TENM2: variants seen among roughly 807,000 people sequenced by gnomAD.
TENM2 encodes teneurin transmembrane protein 2, also known as teneurin-2.
Under a neutral mutation model 245.2 loss-of-function variants are expected in TENM2, and 52 were observed. The ratio of observed to expected loss-of-function variants is 0.21; its 90% CI spans 0.17 to 0.27. TENM2 has a LOEUF of 0.27. Among genes scored for constraint, TENM2 ranks in the 10% least tolerant of loss-of-function variants. The pLI, the probability that TENM2 is intolerant of heterozygous loss-of-function variation, is 1.00. For synonymous variants in TENM2, 1,363 were observed against 1,438.9 expected (o/e 0.95, Z 1.19); for missense variants, 3,046 against 3,666.8 (o/e 0.83, Z 4.37).
chr5:167,887,024 G>A lies in TENM2; in HGVS notation c.712+10829G>A, dbSNP rs372135334. Among the ~76,000 whole-genome samples the A allele has an allele frequency of 2.6e-5, 4 of 152,162 alleles. No individual in the cohort carries two copies. In the East Asian group the frequency reaches 7.7e-4, roughly 29 times the overall value. ...CCCAACACAGCTTAGGATGGCATGA[G>A]AACAGAGAAGATATCATGACTACTA... On this transcript the variant is annotated intron_variant, in intron 3 of 28. Coordinates refer to ENST00000518659, the Ensembl canonical transcript of TENM2.
intron 2 of TENM2, among the ~76,000 whole-genome samples, chr5:167,694,626 G>A (rs969427119): frequency 1.3e-5 from 2 of 152,122 alleles, no homozygotes; most frequent in African/African-American, 4.8e-5. Context: ...TGAGCTTAGT[G>A]GAAAAAGTCT....
chr5:167,204,483 A>C, the TENM2 span, among the ~76,000 whole-genome samples: 6 of 152,174 alleles, frequency 3.9e-5, no homozygotes, highest in Admixed American at 3.9e-4. Flanking sequence ...GTACGAGAAA[A>C]TTCTTGCCCC....
the TENM2 span, among the ~76,000 whole-genome samples, chr5:167,027,517 CAT>C: frequency 8.6e-5 from 13 of 152,018 alleles, no homozygotes; most frequent in Admixed American, 3.9e-4. Context: ...AAAATGGTAA[CAT>C]GTTATTTTGG....
rs886950789 is a variant in TENM2, at chr5:168,092,812, G to A, written c.1711+2043G>A. Among the ~76,000 whole-genome samples, 3 of 152,356 alleles carry A rather than the reference G, an allele frequency of 2.0e-5. No individual in the cohort carries two copies. The East Asian group carries it at 5.8e-4, about 29-fold the overall frequency. On this transcript the variant is annotated intron_variant, in intron 8 of 28. Coordinates refer to ENST00000518659, the Ensembl canonical transcript of TENM2. ...TACGTGACAGCACACACCCTGCACAGCAGCTGGCTCAGCTGGGGTCTACAA... is the reference window on the plus strand; with the variant it reads ...TACGTGACAGCACACACCCTGCACAACAGCTGGCTCAGCTGGGGTCTACAA...
chr5:168,012,775 A>G (rs1261227146), intron 5 of TENM2, among the ~76,000 whole-genome samples: 2 of 38,028 alleles, frequency 5.3e-5, no homozygotes, highest in Non-Finnish European at 9.5e-5. Context: ...AGAACAACTG[A>G]AAAAAAAAAA....
chr5:167,262,510 A>G, the TENM2 span, among the ~76,000 whole-genome samples: 1 of 152,112 alleles, frequency 6.6e-6, no homozygotes, highest in Non-Finnish European at 1.5e-5. Flanking sequence ...AATAGTGCAT[A>G]ATTGCTCCTT....
the TENM2 span, among the ~76,000 whole-genome samples, chr5:167,203,811 C>G: frequency 6.6e-6 from 1 of 150,938 alleles, no homozygotes; most frequent in African/African-American, 2.4e-5. Flanking sequence ...AAAAAGTTGC[C>G]TCTATTGAAT....
At chr5:167,742,857 A>C (rs529665773) in intron 2 of TENM2, among the ~76,000 whole-genome samples, 1 of 151,862 alleles carries the variant, frequency 6.6e-6, no homozygotes, top group Non-Finnish European at 1.5e-5. Flanking sequence ...AGTCCCAGCT[A>C]CTCAGGAGGC....
intron 2 of TENM2, among the ~76,000 whole-genome samples, chr5:167,822,737 C>A (rs968300069): frequency 6.6e-6 from 1 of 151,852 alleles, no homozygotes; most frequent in African/African-American, 2.4e-5. Flanking sequence ...AGTAGAACAA[C>A]AAAAACAACA....
chr5:167,328,806 C>T (rs1335992503), intron 1 of TENM2, among the ~76,000 whole-genome samples: 2 of 152,116 alleles, frequency 1.3e-5, no homozygotes, highest in South Asian at 2.1e-4. Context: ...CCCTCCTTCT[C>T]GGTATACTCT....
intron 2 of TENM2, among the ~76,000 whole-genome samples, chr5:167,455,179 T>C (rs967813727): frequency 1.3e-5 from 2 of 152,172 alleles, no homozygotes; most frequent in Non-Finnish European, 2.9e-5. Flanking sequence ...TTCTTTATTT[T>C]GAGAAGCAGG....
chr5:167,702,571 T>TATAC (rs1304921708), intron 2 of TENM2, among the ~76,000 whole-genome samples: 7 of 147,250 alleles, frequency 4.8e-5, no homozygotes, highest in Non-Finnish European at 1.0e-4. Context: ...TATATATATA[T>TATAC]ACATATATAT....
intron 2 of TENM2, among the ~76,000 whole-genome samples, chr5:167,465,687 C>T (rs1469426333): frequency 2.0e-5 from 3 of 152,084 alleles, no homozygotes; most frequent in Non-Finnish European, 2.9e-5. Flanking sequence ...AAAAATTAGC[C>T]GGGCTTGGTG....
At chr5:167,840,528 G>A (rs1477548447) in intron 2 of TENM2, among the ~76,000 whole-genome samples, 3 of 151,918 alleles carry the variant, frequency 2.0e-5, no homozygotes, top group Non-Finnish European at 4.4e-5. Context: ...ACCTAACCGC[G>A]TCTCCCCTCC....
At chr5:167,442,368 A>G (rs376307244) in intron 2 of TENM2, among the ~76,000 whole-genome samples, 1 of 152,312 alleles carries the variant, frequency 6.6e-6, no homozygotes, top group South Asian at 2.1e-4. Context: ...ACATTCTTGC[A>G]CATGTGTGTG....
At chr5:167,718,731 T>C (rs1035372924) in intron 2 of TENM2, among the ~76,000 whole-genome samples, 1 of 152,160 alleles carries the variant, frequency 6.6e-6, no homozygotes, top group Admixed American at 6.5e-5. Context: ...CAAAGCAGGC[T>C]TCAGTTAAGA....
chr5:168,204,653 T>C lies in TENM2; in HGVS notation c.3824+32T>C, dbSNP rs779159134. 4 of 1,606,750 alleles carry C rather than the reference T, an allele frequency of 2.5e-6. No homozygotes were observed. The East Asian group carries it at 8.9e-5, about 36-fold the overall frequency. On this transcript the variant is annotated intron_variant, in intron 19 of 28. Transcript: ENST00000518659. ...GGCCTCACAGGCAACCTTCTTTTGCTCTCTTGCCCCCCATAACTCCTGAGT... is the reference window on the plus strand; with the variant it reads ...GGCCTCACAGGCAACCTTCTTTTGCCCTCTTGCCCCCCATAACTCCTGAGT...
At chr5:168,257,975 G>A (rs968810036) in intron 27 of TENM2, among the ~76,000 whole-genome samples, 5 of 152,106 alleles carry the variant, frequency 3.3e-5, no homozygotes, top group South Asian at 2.1e-4. Context: ...GGTGCAGAGC[G>A]GAAGCATGGA....
chr5:167,232,983 T>C, the TENM2 span, among the ~76,000 whole-genome samples: 3 of 152,002 alleles, frequency 2.0e-5, no homozygotes, highest in African/African-American at 7.3e-5. Context: ...AGATATTGCC[T>C]TTACAGTCAA....
Sources: gnomAD v4.1 joint callset for allele counts (sites outside exome capture counted in the v4.1 genomes callset) on GRCh38, gnomAD v4.1.1 for gene constraint, MANE v1.5 for transcripts, NCBI Gene and HGNC (gene_info 2026-07-23, HGNC 2026-07-21) for gene names.